Variants in NCOA1 observed in about 807,000 individuals in gnomAD.
NCOA1 encodes the protein Hin-2 protein.
In NCOA1, 35 loss-of-function variants were observed where a neutral mutation model predicts 150.9. The observed-to-expected ratio is 0.23, with a 90% CI of 0.18 to 0.31. The LOEUF is 0.31. NCOA1 is among the 10% of genes least tolerant of loss of function. NCOA1 has a pLI of 1.00. For synonymous variants in NCOA1, 590 were observed against 630.0 expected, an observed-to-expected ratio of 0.94 and a Z score of 0.95; for missense variants, 1,491 against 1,749.3, an observed-to-expected ratio of 0.85 and a Z score of 2.63.
chr2:24,530,668 T>C (rs1029774327), intron 1 of NCOA1, among the ~76,000 whole-genome samples: 1 of 152,200 alleles, frequency 6.6e-6, no homozygotes, highest in Non-Finnish European at 1.5e-5. Flanking sequence ...TTTTATTTTG[T>C]TTAGTACTTT....
At chr2:24,761,113 G>A (rs1316492837) in intron 21 of NCOA1, among the ~76,000 whole-genome samples, 2 of 152,216 alleles carry the variant, frequency 1.3e-5, no homozygotes, top group East Asian at 3.8e-4. Context: ...CTCCCAAAGT[G>A]CTGGGATTAT....
chr2:24,506,708 C>T (rs934436432), intron 1 of NCOA1, among the ~76,000 whole-genome samples: 18 of 152,248 alleles, frequency 1.2e-4, no homozygotes, highest in African/African-American at 4.1e-4. Flanking sequence ...GGCATAGCTT[C>T]ACTCTAGCAA....
intron 3 of NCOA1, among the ~76,000 whole-genome samples, chr2:24,610,299 ATTTTTTCT>A (rs760636106): frequency 1.1e-4 from 16 of 149,660 alleles, no homozygotes; most frequent in Non-Finnish European, 1.9e-4. Flanking sequence ...AATTTTTTGT[ATTTTTTCT>A]TTTTTTCTTT....
intron 18 of NCOA1, 75 bp from the exon 19 acceptor site, chr2:24,741,709 C>T: frequency 6.8e-7 from 1 of 1,468,972 alleles, no homozygotes; most frequent in Non-Finnish European, 9.1e-7. Flanking sequence ...GCAAGTAGGC[C>T]TTAATCCAAT....
intron 3 of NCOA1, among the ~76,000 whole-genome samples, chr2:24,609,787 C>CG (rs1668541790): frequency 6.6e-6 from 1 of 151,580 alleles, no homozygotes; most frequent in African/African-American, 2.4e-5. Flanking sequence ...GCTCAGTTTT[C>CG]AGTCATTCTT....
chr2:24,767,092 G>A (rs1665104985), intron 22 of NCOA1, among the ~76,000 whole-genome samples: 1 of 152,078 alleles, frequency 6.6e-6, no homozygotes, highest in African/African-American at 2.4e-5. Context: ...GGAGACCAGG[G>A]GACAGACTGG....
intron 14 of NCOA1, among the ~76,000 whole-genome samples, chr2:24,715,965 A>G (rs1003026655): frequency 6.6e-6 from 1 of 152,076 alleles, no homozygotes; most frequent in Admixed American, 6.5e-5. Flanking sequence ...ACATGGTGAA[A>G]CCCCGTCTCT....
At chr2:24,752,878 C>CTT (rs754116057) in intron 20 of NCOA1, among the ~76,000 whole-genome samples, 1 of 143,640 alleles carries the variant, frequency 7.0e-6, no homozygotes, top group Non-Finnish European at 1.5e-5. Flanking sequence ...TCACTAAAGC[C>CTT]TTTTTTTTTT....
At chr2:24,498,706 G>A (rs765654515) in intron 1 of NCOA1, among the ~76,000 whole-genome samples, 3 of 152,182 alleles carry the variant, frequency 2.0e-5, no homozygotes, top group Non-Finnish European at 4.4e-5. Context: ...TCGTCTAGGT[G>A]TAGTAAGAAA....
intron 1 of NCOA1, chr2:24,555,879 T>A (rs1558790924): frequency 6.6e-6 from 1 of 152,258 alleles, no homozygotes; most frequent in Non-Finnish European, 1.5e-5. Flanking sequence ...TTTGATCTCA[T>A]AATTTATTCT....
intron 1 of NCOA1, among the ~76,000 whole-genome samples, chr2:24,522,857 A>G (rs1263523882): frequency 6.6e-6 from 1 of 152,230 alleles, no homozygotes; most frequent in East Asian, 1.9e-4. Context: ...TAATACATTT[A>G]GATTGCATTT....
chr2:24,662,696 G>GA (rs1166181420), intron 5 of NCOA1, among the ~76,000 whole-genome samples: 6 of 152,106 alleles, frequency 3.9e-5, no homozygotes, highest in African/African-American at 1.4e-4. Flanking sequence ...TACAGATAAG[G>GA]AAATCGAAGC....
At chr2:24,607,871 T>A (rs1668443254) in intron 3 of NCOA1, among the ~76,000 whole-genome samples, 1 of 152,180 alleles carries the variant, frequency 6.6e-6, no homozygotes, top group Admixed American at 6.5e-5. Flanking sequence ...TGTGAGATTT[T>A]AAAAAATTAT....
At chr2:24,709,706 G>T (rs1026944894) in intron 13 of NCOA1, among the ~76,000 whole-genome samples, 1 of 152,104 alleles carries the variant, frequency 6.6e-6, no homozygotes, top group Admixed American at 6.5e-5. Context: ...TTTTGCACAT[G>T]TGTAACAAAA....
intron 3 of NCOA1, among the ~76,000 whole-genome samples, chr2:24,601,267 C>G (rs769196375): frequency 4.6e-5 from 7 of 152,070 alleles, no homozygotes; most frequent in Non-Finnish European, 1.0e-4. Flanking sequence ...GGCTAGAGTA[C>G]AGTGGTACAA....
At position 24,768,903 on chromosome 2, in the gene NCOA1, C is replaced by T. The variant is rs150691841; in HGVS notation, c.*512C>T. 7.3e-5 allele frequency: 16 copies of T among 220,616 alleles called. No individual in the cohort carries two copies. Among genetic ancestry groups the T allele is most frequent in the Non-Finnish European group, 1.2e-4 (13 of 110,018 alleles). 13.7% of individuals were successfully genotyped at this position (220,616 alleles called of 1,614,324 possible). A position where few individuals can be genotyped will look rare whatever the true frequency, so the allele number is the denominator to read the frequency against. Reference sequence around the variant, plus strand: ...CCAGGCAGCTTGTGTGTACAATCAGCTTCTCTAGCAACTCTGTATCTGTTG... The same window carrying T: ...CCAGGCAGCTTGTGTGTACAATCAGTTTCTCTAGCAACTCTGTATCTGTTG... On this transcript the variant is annotated 3_prime_UTR_variant, in exon 23 of 23. Coordinates refer to ENST00000348332, the MANE Select transcript of NCOA1 (RefSeq NM_003743.5).
intron 1 of NCOA1, among the ~76,000 whole-genome samples, chr2:24,535,048 G>A (rs1468587645): frequency 1.3e-5 from 2 of 152,114 alleles, no homozygotes; most frequent in African/African-American, 4.8e-5. Flanking sequence ...TGACAGTGGG[G>A]TGTTAAAGTC....
At chr2:24,531,033 A>G (rs1052014206) in intron 1 of NCOA1, among the ~76,000 whole-genome samples, 1 of 152,196 alleles carries the variant, frequency 6.6e-6, no homozygotes, top group Non-Finnish European at 1.5e-5. Context: ...ACCATAGTGA[A>G]TGAGGTACCA....
intron 4 of NCOA1, among the ~76,000 whole-genome samples, chr2:24,650,626 T>C (rs1189500620): frequency 6.6e-6 from 1 of 152,026 alleles, no homozygotes; most frequent in African/African-American, 2.4e-5. Flanking sequence ...CAAGAAAACA[T>C]ATAACCCAGA....
Sources: gnomAD v4.1 joint callset for allele counts (sites outside exome capture counted in the v4.1 genomes callset) on GRCh38, gnomAD v4.1.1 for gene constraint, MANE v1.5 for transcripts, NCBI Gene and HGNC (gene_info 2026-07-23, HGNC 2026-07-21) for gene names.